Variants in SLC36A1 observed in about 807,000 individuals in gnomAD.
SLC36A1 encodes solute carrier family 36 member 1, also known as proton-coupled amino acid transporter 1.
In SLC36A1, 30 loss-of-function variants were observed where a neutral mutation model predicts 47.5. The ratio of observed to expected loss-of-function variants is 0.63; its 90% CI spans 0.47 to 0.86. The LOEUF (loss-of-function observed/expected upper bound fraction) is 0.86. Among genes scored for constraint, SLC36A1 ranks in the 40% least tolerant of loss-of-function variants. The probability of loss-of-function intolerance (pLI) is 0.00; values close to 1 mark genes in which losing one functional copy is unlikely to be tolerated. For missense variants in SLC36A1, 517 were observed against 606.0 expected (o/e 0.85, Z 1.54); for synonymous variants, 255 against 249.7 (o/e 1.02, Z -0.20).
chr5:151,526,178 T>C, the SLC36A1 span, among the ~76,000 whole-genome samples: 1 of 152,218 alleles, frequency 6.6e-6, no homozygotes, highest in Non-Finnish European at 1.5e-5. Flanking sequence ...AAGGGCAATG[T>C]TGGGTCTTAG....
the SLC36A1 span, among the ~76,000 whole-genome samples, chr5:151,370,445 AT>A: frequency 6.6e-6 from 1 of 151,462 alleles, no homozygotes; most frequent in Non-Finnish European, 1.5e-5. Flanking sequence ...ATGTTGTTAG[AT>A]TTACAGTTAC....
At chr5:151,529,460 T>A in the SLC36A1 span, 1 of 1,391,876 alleles carries the variant, frequency 7.2e-7, no homozygotes, top group Non-Finnish European at 1.0e-6. Context: ...ACTGAGGGTC[T>A]GAGCCCAGCC....
chr5:151,473,204 AGATAGATAGATAGATAGAT>A (rs1561768191), intron 7 of SLC36A1, among the ~76,000 whole-genome samples: 9 of 151,618 alleles, frequency 5.9e-5, no homozygotes, highest in Non-Finnish European at 1.2e-4. Context: ...ATAGATAGAT[AGATAGATAGATAGATAGAT>A]AGAATATATA....
chr5:151,504,166 C>G, the SLC36A1 span: 1 of 152,682 alleles, frequency 6.5e-6, no homozygotes, highest in African/African-American at 2.4e-5. Flanking sequence ...CTCACACTCA[C>G]AGTCACACAC....
chr5:151,505,467 C>A, the SLC36A1 span: 1 of 1,450,622 alleles, frequency 6.9e-7, no homozygotes, highest in Non-Finnish European at 9.4e-7. Context: ...TTCCCTCCCA[C>A]TCTCCCAGCC....
chr5:151,370,031 C>A, the SLC36A1 span, among the ~76,000 whole-genome samples: 1 of 151,956 alleles, frequency 6.6e-6, no homozygotes, highest in Non-Finnish European at 1.5e-5. Context: ...GAACTCCTGA[C>A]CTCAAGTGAT....
chr5:151,519,770 A>G, the SLC36A1 span, among the ~76,000 whole-genome samples: 1 of 149,560 alleles, frequency 6.7e-6, no homozygotes, highest in East Asian at 2.0e-4. Context: ...AAAATAAAAA[A>G]CCTCTTTTCA....
At chr5:151,436,103 T>C (rs1422826390), upstream of SLC36A1, among the ~76,000 whole-genome samples, 2 of 152,086 alleles carry the variant, frequency 1.3e-5, no homozygotes, top group Non-Finnish European at 1.5e-5. Context: ...TCTAAGGTAG[T>C]TACTTGAAAT....
chr5:151,488,056 G>C lies in SLC36A1; in HGVS notation c.1233G>C (p.Leu411=). 6.2e-7 allele frequency: 1 copy of C among 1,614,080 alleles called. No individual in the cohort carries two copies. The highest frequency in any genetic ancestry group is 8.5e-7 in the Non-Finnish European group (1 of 1,180,004). The part of the protein sequence containing the change: ...SLVGSVSSSA[L]ALIIPPLLEV... ...TGGGCTCCGTGAGCAGCAGCGCCCTGGCCCTCATCATCCCACCGCTCCTGG... is the reference window on the plus strand; with the variant it reads ...TGGGCTCCGTGAGCAGCAGCGCCCTCGCCCTCATCATCCCACCGCTCCTGG... Residue 411 remains leucine (L), a synonymous_variant, in exon 11 of 11, where the codon CTG becomes CTC. Transcript: ENST00000243389.
the SLC36A1 span, chr5:151,529,468 G>T: frequency 7.7e-7 from 1 of 1,299,846 alleles, no homozygotes. Flanking sequence ...TCTGAGCCCA[G>T]CCCTAGGAGA....
the SLC36A1 span, among the ~76,000 whole-genome samples, chr5:151,529,884 T>C: frequency 6.6e-6 from 1 of 152,168 alleles, no homozygotes; most frequent in African/African-American, 2.4e-5. Flanking sequence ...TTCTGAAAAC[T>C]GGAAAAAAGA....
chr5:151,356,419 C>T, the SLC36A1 span, among the ~76,000 whole-genome samples: 14 of 150,054 alleles, frequency 9.3e-5, no homozygotes, highest in South Asian at 4.3e-4. Context: ...AGAGATGAGG[C>T]GTATATCTGT....
At chr5:151,508,985 G>C in the SLC36A1 span, among the ~76,000 whole-genome samples, 1 of 152,118 alleles carries the variant, frequency 6.6e-6, no homozygotes, top group African/African-American at 2.4e-5. Context: ...AGGCTCCCAA[G>C]TTTGGGAGCC....
chr5:151,487,874 G>C, intron 10 of SLC36A1, 109 bp from the exon 11 acceptor site: 11 of 1,314,166 alleles, frequency 8.4e-6, no homozygotes, highest in Non-Finnish European at 1.2e-5. Flanking sequence ...AGTTTTCTTA[G>C]AGCTCTCAAT....
chr5:151,537,974 A>G, the SLC36A1 span: 5 of 1,608,966 alleles, frequency 3.1e-6, no homozygotes, highest in Admixed American at 8.4e-5. Flanking sequence ...AAGAAGAGGG[A>G]GACTGTGGGG....
chr5:151,434,118 C>T (rs190345154), upstream of SLC36A1, among the ~76,000 whole-genome samples: 21 of 152,316 alleles, frequency 1.4e-4, no homozygotes, highest in South Asian at 1.0e-3. Context: ...AGGAGGGACT[C>T]ACCTTCATTT....
chr5:151,540,988 G>A, the SLC36A1 span, among the ~76,000 whole-genome samples: 2 of 152,224 alleles, frequency 1.3e-5, no homozygotes, highest in African/African-American at 4.8e-5. Flanking sequence ...AATGCAAGAA[G>A]CATCACTTCA....
chr5:151,356,789 A>G, the SLC36A1 span, among the ~76,000 whole-genome samples: 12 of 152,208 alleles, frequency 7.9e-5, no homozygotes, highest in African/African-American at 2.2e-4. Flanking sequence ...ATGCTACACA[A>G]CTGGGGGCAA....
the SLC36A1 span, among the ~76,000 whole-genome samples, chr5:151,370,152 T>G: frequency 6.6e-6 from 1 of 152,210 alleles, no homozygotes; most frequent in Non-Finnish European, 1.5e-5. Flanking sequence ...CTGAACTCAC[T>G]GGAAATTTAA....
Sources: gnomAD v4.1 joint callset for allele counts (sites outside exome capture counted in the v4.1 genomes callset) on GRCh38, gnomAD v4.1.1 for gene constraint, MANE v1.5 for transcripts, NCBI Gene and HGNC (gene_info 2026-07-23, HGNC 2026-07-21) for gene names.